MICAL2: variants seen among roughly 807,000 people sequenced by gnomAD.
MICAL2 encodes the protein microtubule associated monooxygenase, calponin and LIM domain containing 2, also known as [F-actin]-monooxygenase MICAL2.
In MICAL2, 77 loss-of-function variants were observed where a neutral mutation model predicts 127.3. That is an observed-to-expected ratio of 0.60 (90% CI 0.50 to 0.73). MICAL2 has a LOEUF of 0.73. MICAL2 is among the 30% of genes least tolerant of loss of function. The pLI is 0.00. For synonymous variants in MICAL2, 570 were observed against 551.1 expected (o/e 1.03, Z -0.48); for missense variants, 1,351 against 1,434.4 (o/e 0.94, Z 0.94).
At chr11:12,245,465 T>C (rs1860608815) in intron 21 of MICAL2, among the ~76,000 whole-genome samples, 2 of 152,136 alleles carry the variant, frequency 1.3e-5, no homozygotes. Flanking sequence ...ACGGTGTAGG[T>C]AGAGTCCCTA....
At chr11:12,288,100 C>A (rs376701030), downstream of MICAL2, among the ~76,000 whole-genome samples, 1 of 152,232 alleles carries the variant, frequency 6.6e-6, no homozygotes, top group Non-Finnish European at 1.5e-5. Context: ...CCAGGTCAGG[C>A]TGGGACAGGG....
At chr11:12,293,916 G>A (rs760682406), downstream of MICAL2, 21 of 1,612,616 alleles carry the variant, frequency 1.3e-5, no homozygotes, top group Admixed American at 3.3e-4. Flanking sequence ...ACTGGAGCCA[G>A]GAAGGAAGAA....
chr11:12,238,878 T>C (rs1283612371), intron 16 of MICAL2, among the ~76,000 whole-genome samples: 1 of 152,122 alleles, frequency 6.6e-6, no homozygotes, highest in African/African-American at 2.4e-5. Flanking sequence ...AAATTTTTCT[T>C]TAAAAAGATA....
chr11:12,209,769 G>T (rs562927976), intron 6 of MICAL2, among the ~76,000 whole-genome samples, 171 bp downstream of exon 6: 1 of 152,140 alleles, frequency 6.6e-6, no homozygotes, highest in Admixed American at 6.5e-5. Flanking sequence ...ATCCACCTGT[G>T]GGGTGGGCAG....
intron 2 of MICAL2, among the ~76,000 whole-genome samples, chr11:12,157,719 C>A (rs983985378): frequency 1.3e-5 from 2 of 151,946 alleles, no homozygotes; most frequent in East Asian, 3.9e-4. Context: ...ATCCTGACTA[C>A]GTTCTTTTGG....
At chr11:12,144,711 A>C (rs2133661680) in intron 2 of MICAL2, among the ~76,000 whole-genome samples, 1 of 152,298 alleles carries the variant, frequency 6.6e-6, no homozygotes, top group South Asian at 2.1e-4. Flanking sequence ...GGGAGGTGAA[A>C]TACAACCTGT....
chr11:12,265,953 T>TA (rs923809710), downstream of MICAL2, among the ~76,000 whole-genome samples: 6 of 150,994 alleles, frequency 4.0e-5, no homozygotes, highest in African/African-American at 1.2e-4. Context: ...CTGTCTCTAC[T>TA]AAAAAAAAAT....
At chr11:12,153,665 T>G (rs1349611831) in intron 2 of MICAL2, among the ~76,000 whole-genome samples, 1 of 152,236 alleles carries the variant, frequency 6.6e-6, no homozygotes, top group Non-Finnish European at 1.5e-5. Context: ...CTCAAACTCC[T>G]GACCTCGAGT....
At position 12,256,890 on chromosome 11, in the gene MICAL2, T is replaced by TA. The variant is rs1212804154; in HGVS notation, c.3061_3062insA (p.Phe1021TyrfsTer24). On this transcript the variant is annotated frameshift_variant, in exon 24 of 28. Coordinates refer to ENST00000683283, the MANE Select transcript of MICAL2 (RefSeq NM_001282663.2). LOFTEE classifies it high-confidence loss of function. ...GGAACGGCTGAGCGCCGAGGGCCAC[T>TA]TCTTCCACCGGGAGTGTTTCCGCTG... 4.3e-6 allele frequency: 7 copies of TA among 1,614,098 alleles called. No individual in the cohort carries two copies. In the African/African-American group the frequency reaches 9.3e-5, roughly 22 times the overall value.
At chr11:12,173,817 C>T (rs1205408500) in intron 3 of MICAL2, among the ~76,000 whole-genome samples, 1 of 152,160 alleles carries the variant, frequency 6.6e-6, no homozygotes. Flanking sequence ...TGGTTTATTT[C>T]ACTTAGCATA....
At chr11:12,160,428 G>A (rs564243021) in intron 2 of MICAL2, among the ~76,000 whole-genome samples, 2 of 152,054 alleles carry the variant, frequency 1.3e-5, no homozygotes, top group South Asian at 2.1e-4. Flanking sequence ...CCACCCACTG[G>A]AGAGGCCAGT....
At chr11:12,329,628 A>T (rs1864391973) in intron 32 of MICAL2, among the ~76,000 whole-genome samples, 1 of 152,182 alleles carries the variant, frequency 6.6e-6, no homozygotes, top group African/African-American at 2.4e-5. Context: ...AATAATCCCC[A>T]TATTATCAGG....
chr11:12,128,864 A>G (rs902399585), intron 1 of MICAL2, among the ~76,000 whole-genome samples: 3 of 152,250 alleles, frequency 2.0e-5, no homozygotes, highest in African/African-American at 7.2e-5. Context: ...CTTGCTTCAT[A>G]GGGTTGTTAT....
chr11:12,111,251 G>C lies in MICAL2; in HGVS notation c.-149+525G>C, dbSNP rs376138397. Among the ~76,000 whole-genome samples the C allele has an allele frequency of 1.1e-4, 17 of 152,344 alleles. No individual in the cohort carries two copies. The East Asian group carries it at 1.5e-3, about 14-fold the overall frequency. The stretch of plus-strand genomic sequence containing the variant: ...ATGTCAGTGGCCTGGCTGGCCGCGG[G>C]CTGGAGCCCAGTCGGGATGGGGTCG... On this transcript the variant is annotated intron_variant, in intron 1 of 27. Coordinates refer to ENST00000683283, the MANE Select transcript of MICAL2 (RefSeq NM_001282663.2).
At chr11:12,196,699 C>T (rs999511694) in intron 3 of MICAL2, among the ~76,000 whole-genome samples, 3 of 152,188 alleles carry the variant, frequency 2.0e-5, no homozygotes, top group African/African-American at 7.2e-5. Flanking sequence ...CCTAAAGTAG[C>T]ACCTCCATCC....
intron 3 of MICAL2, among the ~76,000 whole-genome samples, chr11:12,177,431 C>G (rs1207666535): frequency 6.6e-6 from 1 of 152,068 alleles, no homozygotes; most frequent in African/African-American, 2.4e-5. Context: ...GAAATATTTT[C>G]TCTCATTCTG....
intron 14 of MICAL2, 135 bp downstream of exon 14, chr11:12,226,505 A>C (rs78020527): frequency 1.2e-6 from 1 of 807,710 alleles, no homozygotes; most frequent in Non-Finnish European, 1.9e-6. Flanking sequence ...GAGGCCAAAC[A>C]GGGGTGACTC....
Position 12,241,049 on chromosome 11 carries a change from G to T in MICAL2, c.2224G>T (p.Val742Phe). 1 of 1,613,952 alleles carries T rather than the reference G, an allele frequency of 6.2e-7. No homozygotes were observed. Among genetic ancestry groups the T allele is most frequent in the Non-Finnish European group, 8.5e-7 (1 of 1,179,964 alleles). Reference protein sequence around the residue: ...NPSLMKQERRVSGIGKPVLCS... With the variant: ...NPSLMKQERRFSGIGKPVLCS... ...GCCTTTCTTCTCCCAGGAACGCCGT[G>T]TCTCAGGGATAGGTAAGCCGGTCCT... The change falls in exon 18 of 28, where the codon GTC (valine) becomes TTC (phenylalanine). Residue 742 changes from valine (V) to phenylalanine (F), a missense_variant. This residue lies in a region of MICAL2 where 752 missense variants were observed against 719.4 expected (regional missense o/e 1.05). Transcript: ENST00000683283.
At chr11:12,336,146 T>C (rs1238156147) in intron 32 of MICAL2, among the ~76,000 whole-genome samples, 1 of 152,202 alleles carries the variant, frequency 6.6e-6, no homozygotes, top group South Asian at 2.1e-4. Flanking sequence ...TGGTTTGTAG[T>C]TCTCCTTGAA....
Sources: gnomAD v4.1 joint callset for allele counts (sites outside exome capture counted in the v4.1 genomes callset) on GRCh38, gnomAD v4.1.1 for gene constraint, gnomAD v4.1.1 regional missense constraint, MANE v1.5 for transcripts, NCBI Gene and HGNC (gene_info 2026-07-23, HGNC 2026-07-21) for gene names.